The following PCDHGC5 variants were observed in gnomAD, a reference collection of about 807,000 sequenced individuals.
PCDHGC5 encodes the protein protocadherin gamma-C5.
PCDHGC5 carries 25 observed loss-of-function variants against 59.0 expected under a neutral mutation model. The observed-to-expected ratio is 0.42, with a 90% CI of 0.31 to 0.59. PCDHGC5 has a LOEUF of 0.59. Ranked by LOEUF, PCDHGC5 falls within the 20% of genes least tolerant of loss-of-function variation. The probability of loss-of-function intolerance (pLI) is 0.13; values close to 1 mark genes in which losing one functional copy is unlikely to be tolerated. For synonymous variants in PCDHGC5, 434 were observed against 505.5 expected (o/e 0.86, Z 1.90); for missense variants, 1,067 against 1,206.4 (o/e 0.88, Z 1.71).
intron 3 of PCDHGC5, chr5:141,507,089 C>T (rs564539147): frequency 2.0e-5 from 3 of 152,298 alleles, no homozygotes; most frequent in Admixed American, 1.3e-4. Context: ...TAAGTTTATG[C>T]TCTTTCTACT....
intron 2 of PCDHGC5, among the ~76,000 whole-genome samples, chr5:141,495,662 C>G (rs545912968): frequency 6.6e-6 from 1 of 152,138 alleles, no homozygotes; most frequent in Admixed American, 6.6e-5. Flanking sequence ...TGATCTGTGC[C>G]GCCCACTGTG....
chr5:141,504,583 A>C (rs1230825472), intron 2 of PCDHGC5, among the ~76,000 whole-genome samples: 5 of 146,622 alleles, frequency 3.4e-5, no homozygotes, highest in Non-Finnish European at 7.4e-5. Context: ...CCATCTGCCC[A>C]GGATTCACAG....
Position 141,499,029 on chromosome 5 carries a change from A to AAGGAAGG in PCDHGC5, c.2519+4165_2519+4166insGGAAGGA, listed in dbSNP as rs1562187768. Among the ~76,000 whole-genome samples, 348 of 140,068 alleles carry AAGGAAGG rather than the reference A, an allele frequency of 2.5e-3. 2 individuals carry two copies. The highest frequency in any genetic ancestry group is 9.3e-3 in the African/African-American group (335 of 36,066). The allele number at this position is 140,068 out of a possible 152,430, so 91.9% of individuals were successfully genotyped here. ...GGAAGGAAGGAAGGAAGGAAGGAAG[A>AAGGAAGG]AAAGAAAGAAAAAGGGAGAAAAAAT... is the stretch of plus-strand genomic sequence containing the variant. On this transcript the variant is annotated intron_variant, in intron 2 of 3. Transcript: ENST00000252087.
In PCDHGC5 at chr5:141,489,406, A is replaced by T; in HGVS notation, c.166A>T (p.Met56Leu). 6.2e-7 allele frequency: 1 copy of T among 1,614,166 alleles called. No individual in the cohort carries two copies. Among genetic ancestry groups the T allele is most frequent in the Non-Finnish European group, 8.5e-7 (1 of 1,180,028 alleles). Reference sequence around the variant, plus strand: ...TGTTGCTCAGGATCTGGGCTTAAAGATGACAGATCTGTTGAGCCGGCGGCT... The same window carrying T: ...TGTTGCTCAGGATCTGGGCTTAAAGTTGACAGATCTGTTGAGCCGGCGGCT... ...GNVAQDLGLK[M>L]TDLLSRRLQL... The change falls in exon 1 of 4, where the codon ATG (methionine) becomes TTG (leucine). Residue 56 changes from methionine (M) to leucine (L), a missense_variant. Met to Leu is a conservative substitution (Grantham distance 15). Coordinates refer to ENST00000252087, the MANE Select transcript of PCDHGC5 (RefSeq NM_018929.3). This position sits in a 1 kb window ranked among gnomAD's most constrained non-coding sequence, Gnocchi z 4.5.
At chr5:141,507,283 G>T (rs917383969) in intron 3 of PCDHGC5, 2 of 150,498 alleles carry the variant, frequency 1.3e-5, no homozygotes, top group Non-Finnish European at 2.9e-5. Context: ...GCATAAGTCA[G>T]TCTCAAATGT....
intron 1 of PCDHGC5, among the ~76,000 whole-genome samples, chr5:141,492,760 C>T (rs991820569): frequency 1.3e-5 from 2 of 152,212 alleles, no homozygotes; most frequent in Admixed American, 1.3e-4. Context: ...CAGGGCTCCG[C>T]GTTGGGCGAG....
At chr5:141,500,469 AAAG>A (rs1479386829) in intron 2 of PCDHGC5, among the ~76,000 whole-genome samples, 1 of 152,052 alleles carries the variant, frequency 6.6e-6, no homozygotes, top group Non-Finnish European at 1.5e-5. Context: ...TCGGCCTCCC[AAAG>A]TGCTGGGATT....
chr5:141,510,916 G>C (rs1044988697), intron 3 of PCDHGC5, 31 bp from the exon 4 acceptor site: 2 of 1,613,714 alleles, frequency 1.2e-6, no homozygotes, highest in African/African-American at 1.3e-5. Flanking sequence ...CCTAAGTTTA[G>C]CTCCCACCTG....
Position 141,491,913 on chromosome 5 carries a change from T to C in PCDHGC5, c.2460+213T>C, listed in dbSNP as rs2099735120. 2.1e-6 allele frequency: 3 copies of C among 1,398,206 alleles called. No homozygotes were observed. Among genetic ancestry groups the C allele is most frequent in the Non-Finnish European group, 2.9e-6 (3 of 1,051,918 alleles). The allele number at this position is 1,398,206 out of a possible 1,614,324, so 86.6% of individuals were successfully genotyped here. On this transcript the variant is annotated intron_variant, in intron 1 of 3. Coordinates refer to ENST00000252087, the MANE Select transcript of PCDHGC5 (RefSeq NM_018929.3). The surrounding 1 kb of genome is among the most constrained non-coding windows in gnomAD (Gnocchi z 6.9). ...TCCGAGCACCGGGGGTGGTGGCGAC[T>C]GTGGGCGAGGGGAGGTGGGACCGAC... is the stretch of plus-strand genomic sequence containing the variant.
At chr5:141,510,056 G>C (rs1450505898) in intron 3 of PCDHGC5, among the ~76,000 whole-genome samples, 2 of 152,174 alleles carry the variant, frequency 1.3e-5, no homozygotes. Flanking sequence ...AAGTGATTGT[G>C]CATGTGAAGC....
At position 141,491,101 on chromosome 5, in the gene PCDHGC5, G is replaced by A. The variant is rs1270788252; in HGVS notation, c.1861G>A (p.Val621Met). Reference sequence around the variant, plus strand: ...GTCCACAGCCCCAGGACTGTTCCTCGTGTCTACACACACTGGTGAGGTGCG... The same window carrying A: ...GTCCACAGCCCCAGGACTGTTCCTCATGTCTACACACACTGGTGAGGTGCG... The part of the protein sequence containing the change: ...PQSTAPGLFL[V>M]STHTGEVRTA... The change falls in exon 1 of 4, where the codon GTG becomes ATG. Residue 621 changes from valine (V) to methionine (M), a missense_variant. By Grantham distance (21) the Val-to-Met change is conservative. Transcript: ENST00000252087. This position sits in a 1 kb window ranked among gnomAD's most constrained non-coding sequence, Gnocchi z 6.9. The A allele has an allele frequency of 8.1e-6, 13 of 1,614,102 alleles. No individual in the cohort carries two copies. In the East Asian group the frequency reaches 1.6e-4, roughly 19 times the overall value.
chr5:141,505,334 G>T, intron 2 of PCDHGC5, 59 bp from the exon 3 acceptor site: 1 of 1,611,326 alleles, frequency 6.2e-7, no homozygotes, highest in Non-Finnish European at 8.5e-7. Context: ...GAGAGGACAG[G>T]AGGGGCATGA....
chr5:141,496,981 T>A (rs928774783), intron 2 of PCDHGC5, among the ~76,000 whole-genome samples: 1 of 150,304 alleles, frequency 6.7e-6, no homozygotes, highest in African/African-American at 2.5e-5. Context: ...AGGTCAGGGG[T>A]TTGAGACCAG....
At position 141,511,187 on chromosome 5, in the gene PCDHGC5, C is replaced by T; in HGVS notation, c.*14C>T. The stretch of plus-strand genomic sequence containing the variant: ...GAGAAGAAGTAACATGGAGGCCAGG[C>T]CAAGAGCCACAGGGCGGCCTCTCCC... On this transcript the variant is annotated 3_prime_UTR_variant, in exon 4 of 4. Transcript: ENST00000252087. The T allele has an allele frequency of 1.2e-6, 2 of 1,613,868 alleles. No homozygotes were observed. The highest frequency in any genetic ancestry group is 1.7e-6 in the Non-Finnish European group (2 of 1,179,878).
intron 2 of PCDHGC5, among the ~76,000 whole-genome samples, chr5:141,498,971 G>GGGAAGGAA (rs201769957): frequency 0.022 from 2,449 of 111,032 alleles, 52 homozygotes; most frequent in African/African-American, 0.046. Flanking sequence ...GAGGGAGGGA[G>GGGAAGGAA]GGAAGGAAGG....
chr5:141,492,487 C>T (rs1031047955), intron 1 of PCDHGC5, among the ~76,000 whole-genome samples: 1 of 152,222 alleles, frequency 6.6e-6, no homozygotes, highest in Non-Finnish European at 1.5e-5. Context: ...CGCCCAGGAC[C>T]AGGCGAGGAC....
chr5:141,495,109 C>A (rs1445945970), intron 2 of PCDHGC5, among the ~76,000 whole-genome samples: 3 of 152,278 alleles, frequency 2.0e-5, no homozygotes, highest in South Asian at 2.1e-4. Context: ...CGACCGGCAC[C>A]TTTTCCTATC....
intron 3 of PCDHGC5, among the ~76,000 whole-genome samples, chr5:141,507,856 A>T (rs1200072170): frequency 1.3e-5 from 2 of 151,926 alleles, no homozygotes; most frequent in Non-Finnish European, 2.9e-5. Flanking sequence ...TCTCACTTTC[A>T]CACCCGCTTC....
At chr5:141,497,677 C>T in intron 2 of PCDHGC5, among the ~76,000 whole-genome samples, 1 of 151,836 alleles carries the variant, frequency 6.6e-6, no homozygotes, top group East Asian at 1.9e-4. Context: ...GTAGCTGGGA[C>T]AGCAGGTGTG....
Sources: gnomAD v4.1 joint callset for allele counts (sites outside exome capture counted in the v4.1 genomes callset) on GRCh38, gnomAD v4.1.1 for gene constraint, Gnocchi (gnomAD v3.1) non-coding constraint, MANE v1.5 for transcripts, NCBI Gene and HGNC (gene_info 2026-07-23, HGNC 2026-07-21) for gene names.